The following NHEJ1 variants were observed in gnomAD, a reference collection of about 807,000 sequenced individuals.
NHEJ1 encodes the protein non-homologous end-joining factor 1.
In NHEJ1, 22 loss-of-function variants were observed where a neutral mutation model predicts 39.4. The ratio of observed to expected loss-of-function variants is 0.56; its 90% CI spans 0.40 to 0.80. The LOEUF (loss-of-function observed/expected upper bound fraction) is 0.80, where lower values mean the gene tolerates loss of function less well. Ranked by LOEUF, NHEJ1 falls within the 30% of genes least tolerant of loss-of-function variation. The pLI is 0.00. For synonymous variants in NHEJ1, 154 were observed against 135.6 expected, an observed-to-expected ratio of 1.14 and a Z score of -0.94; for missense variants, 329 against 357.1, an observed-to-expected ratio of 0.92 and a Z score of 0.63.
At chr2:219,118,756 C>T (rs1949440688) in intron 5 of NHEJ1, among the ~76,000 whole-genome samples, 1 of 152,140 alleles carries the variant, frequency 6.6e-6, no homozygotes, top group South Asian at 2.1e-4. Context: ...AGGGGGAGGC[C>T]CAAGGAACAA....
intron 5 of NHEJ1, among the ~76,000 whole-genome samples, chr2:219,142,610 C>T (rs1949702132): frequency 6.6e-6 from 1 of 152,218 alleles, no homozygotes; most frequent in South Asian, 2.1e-4. Flanking sequence ...TGGACAGGGC[C>T]AGGGGAAGGA....
intron 5 of NHEJ1, among the ~76,000 whole-genome samples, chr2:219,103,532 T>G (rs1949286782): frequency 6.6e-6 from 1 of 152,152 alleles, no homozygotes; most frequent in South Asian, 2.1e-4. Context: ...CGCCTCGGCC[T>G]CCCAAAGTGC....
chr2:219,153,327 T>C (rs958432088), intron 3 of NHEJ1, among the ~76,000 whole-genome samples: 4 of 152,188 alleles, frequency 2.6e-5, no homozygotes, highest in Admixed American at 6.5e-5. Context: ...GGAGTTGAGT[T>C]ACAAATTCGA....
chr2:219,102,883 T>C, intron 5 of NHEJ1, among the ~76,000 whole-genome samples: 1 of 149,384 alleles, frequency 6.7e-6, no homozygotes, highest in African/African-American at 2.5e-5. Flanking sequence ...CGGGCGCCTG[T>C]AGTCCCAGCT....
intron 3 of NHEJ1, among the ~76,000 whole-genome samples, chr2:219,154,966 TTA>T (rs1949838642): frequency 1.4e-5 from 2 of 147,576 alleles, no homozygotes; most frequent in Admixed American, 1.4e-4. Flanking sequence ...TTATATATTA[TTA>T]TATTACATAT....
chr2:219,095,096 G>C (rs1949193728), intron 5 of NHEJ1, among the ~76,000 whole-genome samples: 1 of 152,148 alleles, frequency 6.6e-6, no homozygotes, highest in Non-Finnish European at 1.5e-5. Context: ...ACTGACCAAG[G>C]TATGTGGAAG....
At chr2:219,138,061 T>C (rs1005094146) in intron 5 of NHEJ1, among the ~76,000 whole-genome samples, 1 of 152,324 alleles carries the variant, frequency 6.6e-6, no homozygotes, top group Non-Finnish European at 1.5e-5. Context: ...TATCCTTTTT[T>C]ACGATGCCCA....
rs200238395 is a variant in NHEJ1 at position 219,104,707 on chromosome 2, CCA to C, written c.589-26503_589-26502del. On this transcript the variant is annotated intron_variant, in intron 5 of 7. Transcript: ENST00000356853. ...CAGTAATCTTCCAAAAGGCACCCCC[CCA>C]CACACACAAAAAAGAAGAAACCACT... Among the ~76,000 whole-genome samples, 595 of 149,952 alleles carry C rather than the reference CCA, an allele frequency of 4.0e-3. 1 individual carries two copies. Among genetic ancestry groups the C allele is most frequent in the African/African-American group, 0.011 (463 of 40,602 alleles).
intron 5 of NHEJ1, among the ~76,000 whole-genome samples, chr2:219,108,966 C>T (rs1949338587): frequency 2.0e-5 from 3 of 152,216 alleles, no homozygotes; most frequent in Admixed American, 1.3e-4. Flanking sequence ...GTTCCCATCC[C>T]AATTAAACTT....
chr2:219,092,663 C>T (rs145372375), intron 5 of NHEJ1, among the ~76,000 whole-genome samples: 33 of 152,292 alleles, frequency 2.2e-4, no homozygotes, highest in Non-Finnish European at 3.7e-4. Context: ...CCTGAACTCA[C>T]GAACCCAGGG....
chr2:219,101,740 A>G (rs1949263143), intron 5 of NHEJ1, among the ~76,000 whole-genome samples: 2 of 139,824 alleles, frequency 1.4e-5, no homozygotes, highest in South Asian at 4.5e-4. Context: ...TTTTTTTGAG[A>G]CAGAGTCTTG....
chr2:219,140,839 G>A (rs1165279315), intron 5 of NHEJ1, among the ~76,000 whole-genome samples: 1 of 152,158 alleles, frequency 6.6e-6, no homozygotes, highest in Non-Finnish European at 1.5e-5. Flanking sequence ...ATGTTATAGT[G>A]GAATGCCAGA....
At chr2:219,099,377 GT>G (rs1029158961) in intron 5 of NHEJ1, among the ~76,000 whole-genome samples, 3 of 152,174 alleles carry the variant, frequency 2.0e-5, no homozygotes, top group African/African-American at 7.2e-5. Flanking sequence ...CTTGCCAAAT[GT>G]TCTCTGTGGG....
intron 5 of NHEJ1, among the ~76,000 whole-genome samples, chr2:219,137,573 A>AT: frequency 7.3e-6 from 1 of 136,442 alleles, no homozygotes; most frequent in Non-Finnish European, 1.6e-5. Flanking sequence ...TTACAGGCAA[A>AT]AAAAAAAAAA....
At chr2:219,122,425 T>C (rs1485486632) in intron 5 of NHEJ1, among the ~76,000 whole-genome samples, 2 of 152,232 alleles carry the variant, frequency 1.3e-5, no homozygotes, top group Non-Finnish European at 2.9e-5. Context: ...GGAATCATGT[T>C]AGTTATCTCT....
At chr2:219,140,828 G>A (rs1362955527) in intron 5 of NHEJ1, among the ~76,000 whole-genome samples, 1 of 152,214 alleles carries the variant, frequency 6.6e-6, no homozygotes, top group Non-Finnish European at 1.5e-5. Context: ...GGTATTTAAA[G>A]ATGTTATAGT....
At chr2:219,080,708 A>AAT (rs1491448450) in intron 5 of NHEJ1, among the ~76,000 whole-genome samples, 24 of 108,362 alleles carry the variant, frequency 2.2e-4, no homozygotes, top group African/African-American at 6.1e-4. Context: ...TATATATGCT[A>AAT]ATATATATAT....
Position 219,072,768 on chromosome 2 carries a change from A to AG in NHEJ1, c.*3612dup, listed in dbSNP as rs764295523. Among the ~76,000 whole-genome samples the AG allele has an allele frequency of 3.8e-4, 57 of 151,946 alleles. No individual in the cohort carries two copies. Among genetic ancestry groups the AG allele is most frequent in the Non-Finnish European group, 6.0e-4 (41 of 68,036 alleles). ...TGAGGAAGGGCTATTAAGAGAATTT[A>AG]GGCTTACTCTATACTCTCTGGAGCG... On this transcript the variant is annotated 3_prime_UTR_variant, in exon 8 of 8. Coordinates refer to ENST00000356853, the MANE Select transcript of NHEJ1 (RefSeq NM_024782.3).
intron 5 of NHEJ1, among the ~76,000 whole-genome samples, chr2:219,104,553 A>G (rs1949296726): frequency 6.6e-6 from 1 of 152,176 alleles, no homozygotes. Context: ...CCCAAAACTT[A>G]AGTCTCAAGA....
Sources: allele counts gnomAD v4.1 joint callset (sites outside exome capture counted in the v4.1 genomes callset), GRCh38; gene constraint gnomAD v4.1.1; transcripts MANE v1.5; gene names NCBI Gene and HGNC (gene_info 2026-07-23, HGNC 2026-07-21).